Variants in SCAI observed in about 807,000 individuals in gnomAD.
SCAI encodes the protein suppressor of cancer cell invasion.
A neutral mutation model predicts 92.2 loss-of-function variants in SCAI; 24 were observed. The observed-to-expected ratio is 0.26, with a 90% CI of 0.19 to 0.37. The LOEUF (loss-of-function observed/expected upper bound fraction) is 0.37, where lower values mean the gene tolerates loss of function less well. SCAI is among the 10% of genes least tolerant of loss of function. The pLI is 1.00. For synonymous variants in SCAI, 261 were observed against 258.6 expected, an observed-to-expected ratio of 1.01 and a Z score of -0.09; for missense variants, 450 against 736.2, an observed-to-expected ratio of 0.61 and a Z score of 4.50.
intron 2 of SCAI, among the ~76,000 whole-genome samples, chr9:125,060,583 C>T (rs1268715511): frequency 4.6e-5 from 7 of 152,236 alleles, no homozygotes; most frequent in East Asian, 1.9e-4. Context: ...GAGGGAACCA[C>T]GGGGAGGTAA....
intron 2 of SCAI, among the ~76,000 whole-genome samples, chr9:125,096,552 T>C (rs1030339671): frequency 6.6e-6 from 1 of 151,924 alleles, no homozygotes; most frequent in Non-Finnish European, 1.5e-5. Context: ...CTAGCCAAAG[T>C]TGTCTACCTT....
intron 5 of SCAI, among the ~76,000 whole-genome samples, chr9:125,028,100 C>T (rs1483256843): frequency 6.6e-6 from 1 of 152,116 alleles, no homozygotes; most frequent in East Asian, 1.9e-4. Context: ...GCTGCAAGAA[C>T]AATAAATCCT....
chr9:125,118,038 A>T (rs767088360), intron 2 of SCAI, among the ~76,000 whole-genome samples: 4 of 152,174 alleles, frequency 2.6e-5, no homozygotes, highest in Non-Finnish European at 5.9e-5. Flanking sequence ...GAAAAAAGTT[A>T]TCCTCTCTTG....
At chr9:124,981,544 C>G (rs1049382094) in intron 14 of SCAI, among the ~76,000 whole-genome samples, 2 of 152,116 alleles carry the variant, frequency 1.3e-5, no homozygotes, top group African/African-American at 4.8e-5. Context: ...ATCATAGGTT[C>G]AGTGCTTTAG....
chr9:125,003,091 A>G (rs1294457297), intron 11 of SCAI, 23 bp downstream of exon 11: 2 of 1,500,748 alleles, frequency 1.3e-6, no homozygotes, highest in Middle Eastern at 1.7e-4. Flanking sequence ...ACCTCATAGT[A>G]AAAAGTACTG....
At chr9:125,033,168 A>G (rs1253652128) in intron 3 of SCAI, among the ~76,000 whole-genome samples, 1 of 152,022 alleles carries the variant, frequency 6.6e-6, no homozygotes. Context: ...GTTTAAGTTC[A>G]GCCTGGGCAA....
At chr9:125,056,054 T>A (rs1230255674) in intron 2 of SCAI, 47 bp from the exon 3 acceptor site, 3 of 1,469,720 alleles carry the variant, frequency 2.0e-6, no homozygotes, top group Admixed American at 4.4e-5. Flanking sequence ...AAAATAAAAA[T>A]AGAAAAAAAC....
At chr9:125,129,972 C>T (rs1386883738) in intron 2 of SCAI, among the ~76,000 whole-genome samples, 2 of 151,488 alleles carry the variant, frequency 1.3e-5, no homozygotes, top group Admixed American at 1.3e-4. Flanking sequence ...TATCTCGGCT[C>T]ACTGCAACCT....
intron 17 of SCAI, among the ~76,000 whole-genome samples, chr9:124,961,824 T>C (rs540768382): frequency 1.3e-5 from 2 of 151,828 alleles, no homozygotes; most frequent in Admixed American, 6.6e-5. Flanking sequence ...GAAAAATCCA[T>C]GTATAACTTT....
intron 3 of SCAI, among the ~76,000 whole-genome samples, chr9:125,047,769 C>A (rs888829242): frequency 6.6e-6 from 1 of 152,164 alleles, no homozygotes; most frequent in African/African-American, 2.4e-5. Flanking sequence ...AAAATACTCA[C>A]TGTGTTTCAA....
intron 2 of SCAI, among the ~76,000 whole-genome samples, chr9:125,125,902 G>A (rs935928605): frequency 4.1e-5 from 4 of 97,296 alleles, no homozygotes; most frequent in Non-Finnish European, 8.2e-5. Flanking sequence ...GCATGCGTGC[G>A]TACACGTACA....
chr9:125,065,226 C>T (rs1292700385), intron 2 of SCAI, among the ~76,000 whole-genome samples: 1 of 151,768 alleles, frequency 6.6e-6, no homozygotes, highest in East Asian at 1.9e-4. Flanking sequence ...AAAAAAACAA[C>T]AACAGAGAAT....
chr9:125,141,751 T>C (rs1031434778), intron 2 of SCAI, among the ~76,000 whole-genome samples: 7 of 152,190 alleles, frequency 4.6e-5, no homozygotes, highest in Admixed American at 2.6e-4. Context: ...ATCCTGGTTT[T>C]ATCTTTTACT....
At chr9:125,127,113 C>T (rs571749419) in intron 2 of SCAI, among the ~76,000 whole-genome samples, 10 of 152,274 alleles carry the variant, frequency 6.6e-5, no homozygotes, top group Admixed American at 3.9e-4. Flanking sequence ...TGCAACCCCA[C>T]GTCCTAGCAG....
At chr9:124,975,378 G>C (rs1038405663) in intron 15 of SCAI, 1 of 456,660 alleles carries the variant, frequency 2.2e-6, no homozygotes, top group Middle Eastern at 3.3e-4. Flanking sequence ...CTCCCACAGA[G>C]AGACATCAGC....
chr9:125,024,838 A>T (rs551679241), intron 6 of SCAI, among the ~76,000 whole-genome samples: 2 of 152,132 alleles, frequency 1.3e-5, no homozygotes, highest in African/African-American at 2.4e-5. Flanking sequence ...GGCTGTATGT[A>T]ATATCTCCTC....
At chr9:125,108,199 C>A (rs1406419906) in intron 2 of SCAI, among the ~76,000 whole-genome samples, 3 of 152,282 alleles carry the variant, frequency 2.0e-5, no homozygotes, top group African/African-American at 4.8e-5. Context: ...CACCTCCCAG[C>A]CGCCTGCCTT....
At chr9:125,002,248 G>A (rs1190692916) in intron 11 of SCAI, among the ~76,000 whole-genome samples, 1 of 152,090 alleles carries the variant, frequency 6.6e-6, no homozygotes, top group East Asian at 1.9e-4. Context: ...GTCAAAAGTT[G>A]CAAAGACATT....
chr9:125,012,676 G>A (rs1352317430), intron 9 of SCAI, among the ~76,000 whole-genome samples: 2 of 152,138 alleles, frequency 1.3e-5, no homozygotes, highest in Non-Finnish European at 2.9e-5. Context: ...GCACCAAGCA[G>A]ACCTAATAGA....
Sources: allele counts gnomAD v4.1 joint callset (sites outside exome capture counted in the v4.1 genomes callset), GRCh38; gene constraint gnomAD v4.1.1; transcripts MANE v1.5; gene names NCBI Gene and HGNC (gene_info 2026-07-23, HGNC 2026-07-21).